The following SPOCK1 variants were observed in gnomAD, a reference collection of about 807,000 sequenced individuals.
The protein encoded by SPOCK1 is SPARC (osteonectin), cwcv and kazal like domains proteoglycan 1.
In SPOCK1, 23 loss-of-function variants were observed where a neutral mutation model predicts 55.3. That is an observed-to-expected ratio of 0.42 (90% CI 0.30 to 0.59). SPOCK1 has a LOEUF of 0.59. Among genes scored for constraint, SPOCK1 ranks in the 20% least tolerant of loss-of-function variants. The pLI, the probability that SPOCK1 is intolerant of heterozygous loss-of-function variation, is 0.22. For missense variants in SPOCK1, 499 were observed against 552.5 expected (o/e 0.90, Z 0.97); for synonymous variants, 226 against 221.0 (o/e 1.02, Z -0.20).
chr5:137,166,632 A>G (rs1225033102), intron 3 of SPOCK1, among the ~76,000 whole-genome samples: 1 of 152,098 alleles, frequency 6.6e-6, no homozygotes. Context: ...GACACAGACA[A>G]TACAATAAGA....
chr5:137,140,769 T>C, intron 3 of SPOCK1, 75 bp from the exon 4 acceptor site: 2 of 1,079,948 alleles, frequency 1.9e-6, no homozygotes, highest in Non-Finnish European at 2.6e-6. Context: ...TTTTTTTTTT[T>C]TTTTGTTGAG....
chr5:137,165,549 C>A (rs1365274656), intron 3 of SPOCK1, among the ~76,000 whole-genome samples: 2 of 152,106 alleles, frequency 1.3e-5, no homozygotes, highest in African/African-American at 4.8e-5. Context: ...CAGGAAAACA[C>A]GACCTTACCA....
chr5:137,214,961 T>C (rs1214649161), intron 3 of SPOCK1, among the ~76,000 whole-genome samples: 4 of 152,198 alleles, frequency 2.6e-5, no homozygotes, highest in Non-Finnish European at 5.9e-5. Context: ...TACTCCTTAA[T>C]TGGGTGCAGA....
intron 3 of SPOCK1, among the ~76,000 whole-genome samples, chr5:137,256,678 TG>T (rs1756640591): frequency 6.6e-6 from 1 of 152,170 alleles, no homozygotes. Context: ...CAGGCTCCTG[TG>T]GTCTCTGAGC....
intron 2 of SPOCK1, among the ~76,000 whole-genome samples, chr5:137,267,263 T>C (rs1176251390): frequency 6.6e-6 from 1 of 152,224 alleles, no homozygotes; most frequent in Non-Finnish European, 1.5e-5. Context: ...ATGTATTCAA[T>C]ACTGGGAATA....
intron 2 of SPOCK1, among the ~76,000 whole-genome samples, chr5:137,362,690 TCTC>T (rs894068427): frequency 3.9e-5 from 6 of 152,060 alleles, no homozygotes; most frequent in African/African-American, 1.4e-4. Flanking sequence ...CCATATGACC[TCTC>T]CTCAACTCTG....
intron 2 of SPOCK1, among the ~76,000 whole-genome samples, chr5:137,317,968 T>C (rs1757912099): frequency 6.6e-6 from 1 of 152,180 alleles, no homozygotes. Flanking sequence ...CACCAGAACC[T>C]GGAGTAACAA....
intron 3 of SPOCK1, among the ~76,000 whole-genome samples, chr5:137,142,588 A>T (rs1163144891): frequency 6.6e-6 from 1 of 152,210 alleles, no homozygotes; most frequent in South Asian, 2.1e-4. Context: ...CTTGGAGCTT[A>T]GCAGAAAGAA....
At chr5:137,098,860 A>T (rs1753205045) in intron 5 of SPOCK1, among the ~76,000 whole-genome samples, 1 of 152,166 alleles carries the variant, frequency 6.6e-6, no homozygotes, top group Admixed American at 6.5e-5. Flanking sequence ...CACAGGCTCC[A>T]CGGGCCACCT....
At position 137,457,816 on chromosome 5, in the gene SPOCK1, T is replaced by C. The variant is rs6865428; in HGVS notation, c.186+40557A>G. Among the ~76,000 whole-genome samples the C allele has an allele frequency of 8.7e-4, 133 of 152,256 alleles. 1 individual carries two copies. The highest frequency in any genetic ancestry group is 2.9e-3 in the African/African-American group (120 of 41,546). ...CATCCCAGAGGGGAAAAAAGGGGAA[T>C]TTGTTCCTCGAACAAGGTAACTCTC... On this transcript the variant is annotated intron_variant, in intron 2 of 10. Transcript: ENST00000394945.
intron 2 of SPOCK1, among the ~76,000 whole-genome samples, chr5:137,445,888 C>T (rs571115276): frequency 3.5e-4 from 54 of 152,240 alleles, no homozygotes; most frequent in African/African-American, 1.3e-3. Context: ...TATTCAGATC[C>T]CTGGAACTAG....
intron 2 of SPOCK1, among the ~76,000 whole-genome samples, chr5:137,411,629 C>T (rs1365558772): frequency 6.6e-6 from 1 of 152,198 alleles, no homozygotes; most frequent in Non-Finnish European, 1.5e-5. Flanking sequence ...CTGCCACTTC[C>T]CAGCTGTGTG....
intron 3 of SPOCK1, among the ~76,000 whole-genome samples, chr5:137,164,057 T>C (rs1448152931): frequency 6.6e-6 from 1 of 151,990 alleles, no homozygotes; most frequent in East Asian, 1.9e-4. Flanking sequence ...ATATGAAGAG[T>C]TCATTTGCAC....
At chr5:137,038,834 CT>C (rs1242155291) in intron 6 of SPOCK1, among the ~76,000 whole-genome samples, 3 of 152,060 alleles carry the variant, frequency 2.0e-5, no homozygotes, top group South Asian at 2.1e-4. Context: ...AGTTTCACCC[CT>C]AGAAGGTATA....
chr5:137,117,780 G>C (rs1053917397), intron 4 of SPOCK1, among the ~76,000 whole-genome samples: 4 of 152,072 alleles, frequency 2.6e-5, no homozygotes, highest in Non-Finnish European at 5.9e-5. Flanking sequence ...GAAGTGGGTG[G>C]AGGGAGCTCC....
chr5:137,173,609 A>G (rs1384371021), intron 3 of SPOCK1, among the ~76,000 whole-genome samples: 1 of 152,254 alleles, frequency 6.6e-6, no homozygotes, highest in East Asian at 1.9e-4. Flanking sequence ...TAGAATGATG[A>G]TAAACATCAG....
chr5:137,227,406 T>C (rs1755965897), intron 3 of SPOCK1, among the ~76,000 whole-genome samples: 1 of 152,154 alleles, frequency 6.6e-6, no homozygotes, highest in Non-Finnish European at 1.5e-5. Flanking sequence ...AAAAAAGAAA[T>C]TTGAAAGCAA....
chr5:137,244,272 C>G (rs1756353090), intron 3 of SPOCK1, among the ~76,000 whole-genome samples: 1 of 152,178 alleles, frequency 6.6e-6, no homozygotes, highest in South Asian at 2.1e-4. Flanking sequence ...AAACAAACCT[C>G]CAAAATTCAA....
At chr5:137,340,553 AG>A (rs1458617805) in intron 2 of SPOCK1, among the ~76,000 whole-genome samples, 1 of 152,238 alleles carries the variant, frequency 6.6e-6, no homozygotes, top group Non-Finnish European at 1.5e-5. Context: ...TGAGGAAGTC[AG>A]GGATGCAGTA....
Sources: gnomAD v4.1 joint callset for allele counts (sites outside exome capture counted in the v4.1 genomes callset) on GRCh38, gnomAD v4.1.1 for gene constraint, MANE v1.5 for transcripts, NCBI Gene and HGNC (gene_info 2026-07-23, HGNC 2026-07-21) for gene names.